NRG1: variants seen among roughly 807,000 people sequenced by gnomAD.
The protein encoded by NRG1 is pro-neuregulin-1, membrane-bound isoform.
NRG1 carries 18 observed loss-of-function variants against 63.8 expected under a neutral mutation model. The observed-to-expected ratio is 0.28, with a 90% CI of 0.19 to 0.42. NRG1 has a LOEUF of 0.42. NRG1 is among the 10% of genes least tolerant of loss of function. The pLI is 1.00. For missense variants in NRG1, 762 were observed against 814.7 expected, an observed-to-expected ratio of 0.94 and a Z score of 0.79; for synonymous variants, 302 against 301.3, an observed-to-expected ratio of 1.00 and a Z score of -0.02.
At chr8:32,540,919 C>G (rs1394289510) in intron 1 of NRG1, among the ~76,000 whole-genome samples, 1 of 152,164 alleles carries the variant, frequency 6.6e-6, no homozygotes, top group African/African-American at 2.4e-5. Context: ...ATTTGTTGGA[C>G]ATCCATTTGG....
At chr8:32,468,951 G>A (rs1417404190) in intron 1 of NRG1, among the ~76,000 whole-genome samples, 2 of 152,124 alleles carry the variant, frequency 1.3e-5, no homozygotes, top group African/African-American at 4.8e-5. Context: ...CACTGCGCTA[G>A]GACCTAAGGA....
chr8:32,410,411 C>T (rs774558248), intron 1 of NRG1, among the ~76,000 whole-genome samples: 1 of 151,940 alleles, frequency 6.6e-6, no homozygotes, highest in Non-Finnish European at 1.5e-5. Context: ...AAGCGATCTA[C>T]CCTGCTCAGC....
intron 1 of NRG1, among the ~76,000 whole-genome samples, chr8:32,416,535 A>G (rs1815938003): frequency 6.6e-6 from 1 of 152,190 alleles, no homozygotes; most frequent in Admixed American, 6.5e-5. Flanking sequence ...CAGAATCAGC[A>G]TTACTTGACC....
intron 1 of NRG1, among the ~76,000 whole-genome samples, chr8:31,665,813 T>C (rs1806475239): frequency 6.6e-6 from 1 of 152,192 alleles, no homozygotes; most frequent in Admixed American, 6.5e-5. Flanking sequence ...TCTCATCTGT[T>C]TAACTTTGCT....
At chr8:31,806,659 C>A (rs751988359) in intron 1 of NRG1, among the ~76,000 whole-genome samples, 2 of 152,128 alleles carry the variant, frequency 1.3e-5, no homozygotes, top group Non-Finnish European at 2.9e-5. Context: ...GAATCCTTTT[C>A]ATTTTGATCC....
chr8:32,534,055 T>G (rs1831719803), intron 1 of NRG1, among the ~76,000 whole-genome samples: 1 of 152,084 alleles, frequency 6.6e-6, no homozygotes, highest in Admixed American at 6.5e-5. Flanking sequence ...GATGTCATAC[T>G]CATGAGTACA....
At chr8:32,543,340 T>C (rs985722008), upstream of NRG1, among the ~76,000 whole-genome samples, 3 of 152,100 alleles carry the variant, frequency 2.0e-5, no homozygotes, top group Non-Finnish European at 2.9e-5. Flanking sequence ...TAAGTATATA[T>C]ATATTTGCAT....
At chr8:32,316,795 C>T (rs1857447290) in intron 1 of NRG1, among the ~76,000 whole-genome samples, 1 of 121,122 alleles carries the variant, frequency 8.3e-6, no homozygotes, top group African/African-American at 3.3e-5. Flanking sequence ...TGACTATCAG[C>T]TCCAAAAAAA....
intron 1 of NRG1, among the ~76,000 whole-genome samples, chr8:32,508,262 C>G (rs1828769965): frequency 6.7e-6 from 1 of 149,236 alleles, no homozygotes; most frequent in Non-Finnish European, 1.5e-5. Flanking sequence ...ATAATATGTT[C>G]TGCTGTAAAC....
intron 1 of NRG1, among the ~76,000 whole-genome samples, chr8:32,398,474 A>G (rs571434327): frequency 6.0e-5 from 9 of 151,202 alleles, no homozygotes; most frequent in Non-Finnish European, 1.3e-4. Flanking sequence ...GCAATGGTGC[A>G]ATCTTGGCTC....
chr8:32,136,997 C>T (rs1020980992), intron 1 of NRG1, among the ~76,000 whole-genome samples: 3 of 152,054 alleles, frequency 2.0e-5, no homozygotes, highest in Non-Finnish European at 4.4e-5. Flanking sequence ...GAGGTAATTA[C>T]ATTTTACAGA....
At chr8:31,857,187 C>T (rs948712080) in intron 1 of NRG1, among the ~76,000 whole-genome samples, 21 of 152,252 alleles carry the variant, frequency 1.4e-4, no homozygotes, top group Non-Finnish European at 1.5e-4. Context: ...CAAGCCTGGG[C>T]AATGGCGGGC....
intron 5 of NRG1, among the ~76,000 whole-genome samples, chr8:32,700,294 A>G (rs1814508662): frequency 6.6e-6 from 1 of 152,176 alleles, no homozygotes; most frequent in African/African-American, 2.4e-5. Flanking sequence ...TTCAATATGT[A>G]TAACTGGTGA....
At chr8:32,410,198 T>TC (rs1223593071) in intron 1 of NRG1, among the ~76,000 whole-genome samples, 135 of 146,710 alleles carry the variant, frequency 9.2e-4, no homozygotes, top group Non-Finnish European at 1.9e-3. Flanking sequence ...TTTTTTTTTT[T>TC]GAGACATGGT....
intron 1 of NRG1, among the ~76,000 whole-genome samples, chr8:32,566,566 G>A (rs371248748): frequency 2.0e-5 from 3 of 152,178 alleles, no homozygotes; most frequent in African/African-American, 7.2e-5. Flanking sequence ...GCTTTGTCCA[G>A]GTATTTTGCG....
At chr8:32,577,646 A>G (rs1839902571) in intron 1 of NRG1, among the ~76,000 whole-genome samples, 1 of 152,242 alleles carries the variant, frequency 6.6e-6, no homozygotes, top group Non-Finnish European at 1.5e-5. Context: ...TTATGGCTCT[A>G]ACAACATTTA....
At chr8:31,968,745 A>G (rs1376139655) in intron 1 of NRG1, among the ~76,000 whole-genome samples, 1 of 152,096 alleles carries the variant, frequency 6.6e-6, no homozygotes, top group African/African-American at 2.4e-5. Flanking sequence ...TTCTATCTGT[A>G]TAGCAGCATC....
intron 1 of NRG1, among the ~76,000 whole-genome samples, chr8:31,766,946 C>G (rs1052833532): frequency 6.6e-6 from 1 of 152,154 alleles, no homozygotes; most frequent in Non-Finnish European, 1.5e-5. Flanking sequence ...CTGAACATTC[C>G]GTGAAGCATT....
chr8:31,944,172 G>A (rs953770658), intron 1 of NRG1, among the ~76,000 whole-genome samples: 3 of 151,968 alleles, frequency 2.0e-5, no homozygotes, highest in Non-Finnish European at 4.4e-5. Flanking sequence ...CTCTGAGTTC[G>A]CAGAATAACC....
Sources: allele counts gnomAD v4.1 joint callset (sites outside exome capture counted in the v4.1 genomes callset), GRCh38; gene constraint gnomAD v4.1.1; transcripts MANE v1.5; gene names NCBI Gene and HGNC (gene_info 2026-07-23, HGNC 2026-07-21).